HGD: variants seen among roughly 807,000 people sequenced by gnomAD.
HGD encodes homogentisate oxidase.
A neutral mutation model predicts 60.8 loss-of-function variants in HGD; 61 were observed. That is an observed-to-expected ratio of 1.00 (90% CI 0.82 to 1.24). The LOEUF is 1.24. Ranked by LOEUF, HGD falls within the 50% of genes most tolerant of loss-of-function variation. The probability of loss-of-function intolerance (pLI) is 0.00; values close to 1 mark genes in which losing one functional copy is unlikely to be tolerated. For missense variants in HGD, 542 were observed against 547.1 expected, an observed-to-expected ratio of 0.99 and a Z score of 0.09; for synonymous variants, 212 against 187.7, an observed-to-expected ratio of 1.13 and a Z score of -1.06.
chr3:120,650,503 C>T (rs149648744), intron 6 of HGD, among the ~76,000 whole-genome samples: 224 of 152,348 alleles, frequency 1.5e-3, no homozygotes, highest in South Asian at 8.9e-3. Flanking sequence ...TCTACTCCTG[C>T]ATTCCAGGGC....
At chr3:120,643,479 G>A (rs966574787) in intron 10 of HGD, among the ~76,000 whole-genome samples, 4 of 152,168 alleles carry the variant, frequency 2.6e-5, no homozygotes, top group African/African-American at 4.8e-5. Context: ...AATAGCCCCC[G>A]AATTTTGAGA....
chr3:120,633,863 C>A (rs1940671168), intron 12 of HGD, among the ~76,000 whole-genome samples: 1 of 152,136 alleles, frequency 6.6e-6, no homozygotes, highest in Non-Finnish European at 1.5e-5. Flanking sequence ...AGTCCATTAT[C>A]AAATGATAAT....
At chr3:120,667,800 A>T (rs1162097754) in intron 4 of HGD, among the ~76,000 whole-genome samples, 1 of 152,224 alleles carries the variant, frequency 6.6e-6, no homozygotes, top group Non-Finnish European at 1.5e-5. Flanking sequence ...ATTATTTTTC[A>T]TTATAAATAA....
rs753865195 is a variant in HGD, at chr3:120,675,820, C to T, written c.59G>A (p.Arg20His). 1.1e-5 allele frequency: 18 copies of T among 1,613,550 alleles called. No homozygotes were observed. Among genetic ancestry groups the T allele is most frequent in the East Asian group, 4.5e-5 (2 of 44,874 alleles). ...FGNECSSEDP[R>H]CPGSLPEGQN... is the part of the protein sequence containing the mutation. ...TCCTTCTGGCAGGGAACCTGGGCAGCGAGGATCCTCTGAAGAACACTCATT... is the reference window on the plus strand; with the variant it reads ...TCCTTCTGGCAGGGAACCTGGGCAGTGAGGATCCTCTGAAGAACACTCATT... Residue 20 changes from arginine (R) to histidine (H), a missense_variant, in exon 2 of 14, where the codon CGC becomes CAC. This residue lies in a region of HGD where 537 missense variants were observed against 529.1 expected (regional missense o/e 1.01). Transcript: ENST00000283871.
rs1708093824 is a variant in HGD at position 120,674,913 on chromosome 3, G to A, written c.164C>T (p.Thr55Ile). The A allele has an allele frequency of 1.9e-6, 3 of 1,607,476 alleles. No individual in the cohort carries two copies. Among genetic ancestry groups the A allele is most frequent in the Non-Finnish European group, 2.6e-6 (3 of 1,174,310 alleles). The change falls in exon 3 of 14, where the codon ACC becomes ATC. Residue 55 changes from threonine (T) to isoleucine (I), a missense_variant. By Grantham distance (89) the Thr-to-Ile change is moderately conservative. Transcript: ENST00000283871. ...CTAATCCTTGTACCTTCTCTTATTG[G>A]TGCTCCGTGGACAAGTGAAAGCCGA... ...SGSAFTCPRS[T>I]NKRSWLYRIL...
intron 12 of HGD, among the ~76,000 whole-genome samples, chr3:120,634,412 G>A (rs1050368025): frequency 6.6e-6 from 1 of 152,068 alleles, no homozygotes; most frequent in African/African-American, 2.4e-5. Context: ...GCAAATTTAA[G>A]TGCCTTTGCA....
chr3:120,633,179 G>C lies in HGD; in HGVS notation c.1156C>G (p.Leu386Val). ...CCATCGGCAATCCTCTCAGGTGCCA[G>C]CTTGACCTTGCTGGCCTTCTCAAAG... The part of the protein sequence containing the change: ...DCFEKASKVK[L>V]APERIADGTM... Residue 386 changes from leucine (L) to valine (V), a missense_variant, in exon 13 of 14, where the codon CTG becomes GTG. Leu to Val is a conservative substitution (Grantham distance 32). This residue lies in a region of HGD where 537 missense variants were observed against 529.1 expected (regional missense o/e 1.01). Coordinates refer to ENST00000283871, the MANE Select transcript of HGD (RefSeq NM_000187.4). 1 of 1,614,118 alleles carries C rather than the reference G, an allele frequency of 6.2e-7. No individual in the cohort carries two copies. Among genetic ancestry groups the C allele is most frequent in the South Asian group, 1.1e-5 (1 of 91,074 alleles).
Position 120,644,457 on chromosome 3 carries a change from A to G in HGD, c.650-14T>C, listed in dbSNP as rs1941096082. 2 of 1,613,912 alleles carry G rather than the reference A, an allele frequency of 1.2e-6. No homozygotes were observed. Among genetic ancestry groups the G allele is most frequent in the Admixed American group, 3.3e-5 (2 of 60,000 alleles). On this transcript the variant is annotated splice_polypyrimidine_tract_variant and intron_variant, in intron 9 of 13. Transcript: ENST00000283871. ...AGCCATTGGCCCCTAGAAAACAGTA[A>G]CCCAAAAGTCTTTTAGAAACTTCCA...
At chr3:120,630,708 A>G (rs804976) in intron 13 of HGD, among the ~76,000 whole-genome samples, 119,634 of 150,586 alleles carry the variant, frequency 0.79, 48,431 homozygotes, top group African/African-American at 0.92. Context: ...TCAGGACATC[A>G]GCATGGGCAA....
chr3:120,679,858 G>A (rs1212713527), intron 1 of HGD, among the ~76,000 whole-genome samples: 5 of 152,208 alleles, frequency 3.3e-5, no homozygotes, highest in Admixed American at 2.6e-4. Flanking sequence ...CAGTGAAACC[G>A]ATTTCAGACT....
intron 5 of HGD, 77 bp from the exon 6 acceptor site, chr3:120,650,942 G>T: frequency 9.3e-7 from 1 of 1,080,860 alleles, no homozygotes; most frequent in Non-Finnish European, 1.4e-6. Flanking sequence ...GGTCCCTGAG[G>T]GTCATGAGGC....
chr3:120,641,793 T>C, intron 10 of HGD, 100 bp from the exon 11 acceptor site: 1 of 847,300 alleles, frequency 1.2e-6, no homozygotes, highest in East Asian at 2.4e-5. Flanking sequence ...TCTTTTGATT[T>C]GATTTTGTTC....
At chr3:120,651,016 G>C (rs1941327158) in intron 5 of HGD, 151 bp from the exon 6 acceptor site, 1 of 733,508 alleles carries the variant, frequency 1.4e-6, no homozygotes, top group Non-Finnish European at 2.5e-6. Context: ...CAGCCTCTAA[G>C]GAGCCTGAAT....
At chr3:120,634,884 G>C (rs1300653204) in intron 12 of HGD, among the ~76,000 whole-genome samples, 1 of 152,200 alleles carries the variant, frequency 6.6e-6, no homozygotes, top group Non-Finnish European at 1.5e-5. Flanking sequence ...GTGAGACCCA[G>C]ATCATAGTTC....
chr3:120,640,234 AT>A (rs1325463350), intron 11 of HGD, among the ~76,000 whole-genome samples: 1 of 112,822 alleles, frequency 8.9e-6, no homozygotes, highest in East Asian at 2.9e-4. Flanking sequence ...CGTGGCGGGG[AT>A]GGGGGAAAAA....
intron 4 of HGD, among the ~76,000 whole-genome samples, chr3:120,661,156 C>T (rs113612658): frequency 0.13 from 19,837 of 152,100 alleles, 1,335 homozygotes; most frequent in East Asian, 0.19. Context: ...CACCCTGAGC[C>T]CTTTGATCTT....
intron 2 of HGD, 143 bp from the exon 3 acceptor site, chr3:120,675,132 T>A: frequency 1.5e-6 from 1 of 663,738 alleles, no homozygotes; most frequent in Non-Finnish European, 2.8e-6. Context: ...TTGTAACAAC[T>A]TTTGATGTGA....
rs369478638 is a variant in HGD, at chr3:120,650,754, C to T, written c.434+20G>A. On this transcript the variant is annotated intron_variant, in intron 6 of 13. Transcript: ENST00000283871. Reference sequence around the variant, plus strand: ...CCCTTAGAAGATGGGCATGTCCTTCCCTAGAACTGAGCCACTTACCTGTTC... The same window carrying T: ...CCCTTAGAAGATGGGCATGTCCTTCTCTAGAACTGAGCCACTTACCTGTTC... 8 of 1,588,860 alleles carry T rather than the reference C, an allele frequency of 5.0e-6. No homozygotes were observed. The African/African-American group carries it at 8.1e-5, about 16-fold the overall frequency.
At chr3:120,671,558 A>G (rs1708025248) in intron 3 of HGD, among the ~76,000 whole-genome samples, 1 of 152,180 alleles carries the variant, frequency 6.6e-6, no homozygotes, top group African/African-American at 2.4e-5. Context: ...AATTAGTTCA[A>G]CCATTGTGGA....
Sources: allele counts gnomAD v4.1 joint callset (sites outside exome capture counted in the v4.1 genomes callset), GRCh38; gene constraint gnomAD v4.1.1; regional missense constraint gnomAD v4.1.1; transcripts MANE v1.5; gene names NCBI Gene and HGNC (gene_info 2026-07-23, HGNC 2026-07-21).